The following FRAS1 variants were observed in gnomAD, a reference collection of about 807,000 sequenced individuals.
The protein encoded by FRAS1 is Fraser extracellular matrix complex subunit 1.
Under a neutral mutation model 435.2 loss-of-function variants are expected in FRAS1, and 290 were observed. That is an observed-to-expected ratio of 0.67 (90% CI 0.61 to 0.73). FRAS1 has a LOEUF of 0.73. Among genes scored for constraint, FRAS1 ranks in the 30% least tolerant of loss-of-function variants. FRAS1 has a pLI of 0.00. For synonymous variants in FRAS1, 1,800 were observed against 1,851.0 expected (o/e 0.97, Z 0.71); for missense variants, 4,860 against 5,001.5 (o/e 0.97, Z 0.85).
Position 78,329,282 on chromosome 4 carries a change from G to C in FRAS1, c.2138-3990G>C, listed in dbSNP as rs949985071. Among the ~76,000 whole-genome samples the C allele has an allele frequency of 7.9e-5, 12 of 152,300 alleles. No homozygotes were observed. In the East Asian group the frequency reaches 2.1e-3, roughly 27 times the overall value. On this transcript the variant is annotated intron_variant, in intron 18 of 73. Coordinates refer to ENST00000512123, the MANE Select transcript of FRAS1 (RefSeq NM_025074.7). Reference sequence around the variant, plus strand: ...TTGACTCCAGGAAAAGTGTAATGTTGGTTCGAGCTCGAGAAGGAATCTGGA... The same window carrying C: ...TTGACTCCAGGAAAAGTGTAATGTTCGTTCGAGCTCGAGAAGGAATCTGGA...
chr4:78,461,996 G>A (rs571322429), intron 47 of FRAS1, among the ~76,000 whole-genome samples: 2 of 152,348 alleles, frequency 1.3e-5, no homozygotes, highest in South Asian at 2.1e-4. Context: ...TGAAGCGTAA[G>A]TTGGAAACTT....
intron 2 of FRAS1, among the ~76,000 whole-genome samples, chr4:78,072,743 A>G (rs1246777221): frequency 6.6e-6 from 1 of 152,158 alleles, no homozygotes; most frequent in Non-Finnish European, 1.5e-5. Flanking sequence ...ACGGAGTAAT[A>G]TGCTTTTAAA....
chr4:78,462,036 T>C (rs1371872628), intron 47 of FRAS1, among the ~76,000 whole-genome samples: 1 of 152,200 alleles, frequency 6.6e-6, no homozygotes, highest in African/African-American at 2.4e-5. Flanking sequence ...CTATTTTGAA[T>C]GAGGTGATGG....
chr4:78,105,017 G>A (rs1257022142), intron 2 of FRAS1, among the ~76,000 whole-genome samples: 3 of 152,072 alleles, frequency 2.0e-5, no homozygotes, highest in African/African-American at 7.2e-5. Flanking sequence ...TTCATTAGTA[G>A]TTTGGTTTCC....
intron 29 of FRAS1, among the ~76,000 whole-genome samples, chr4:78,391,117 C>G (rs990423800): frequency 3.9e-5 from 6 of 152,178 alleles, no homozygotes; most frequent in African/African-American, 1.2e-4. Flanking sequence ...CAATTCATCT[C>G]TTGCATCAGA....
chr4:78,114,190 A>G (rs1163735169), intron 2 of FRAS1, among the ~76,000 whole-genome samples: 3 of 151,984 alleles, frequency 2.0e-5, no homozygotes, highest in Non-Finnish European at 4.4e-5. Flanking sequence ...TGGTCTATAT[A>G]TCTGTTTGGG....
chr4:78,464,554 G>C lies in FRAS1; in HGVS notation c.7000G>C (p.Glu2334Gln). The stretch of plus-strand genomic sequence containing the variant: ...CATGAGGAAGACCATCACAGAGTTT[G>C]AGCTTAAGGCGGTGGATGCTGACAC... ...EGMRKTITEF[E>Q]LKAVDADTEA... Residue 2334 changes from glutamate to glutamine, a missense_variant, in exon 49 of 74, where the codon GAG becomes CAG. Coordinates refer to ENST00000512123, the MANE Select transcript of FRAS1 (RefSeq NM_025074.7). 6.2e-7 allele frequency: 1 copy of C among 1,613,916 alleles called. No individual in the cohort carries two copies. Among genetic ancestry groups the C allele is most frequent in the East Asian group, 2.2e-5 (1 of 44,866 alleles).
chr4:78,506,705 C>T (rs114593698), intron 61 of FRAS1, among the ~76,000 whole-genome samples: 49,973 of 151,996 alleles, frequency 0.33, 8,944 homozygotes, highest in South Asian at 0.52. Context: ...CCTTGCACTT[C>T]TCGGGTGAGG....
At position 78,464,079 on chromosome 4, in the gene FRAS1, C is replaced by G; in HGVS notation, c.6822C>G (p.Val2274=). 1 of 1,613,584 alleles carries G rather than the reference C, an allele frequency of 6.2e-7. No individual in the cohort carries two copies. Among genetic ancestry groups the G allele is most frequent in the South Asian group, 1.1e-5 (1 of 91,052 alleles). ...TGACTTCACGAAATGTTCAGTATGT[C>G]CATTCTAGTGAGGCTGAGAAACATT... The part of the protein sequence containing the change: ...ADLTSRNVQY[V]HSSEAEKHSD... The change falls in exon 48 of 74, where the codon GTC becomes GTG. Residue 2274 remains valine, a synonymous_variant. Coordinates refer to ENST00000512123, the MANE Select transcript of FRAS1 (RefSeq NM_025074.7).
At chr4:78,191,655 A>T (rs188107315) in intron 2 of FRAS1, among the ~76,000 whole-genome samples, 18 of 151,718 alleles carry the variant, frequency 1.2e-4, no homozygotes, top group African/African-American at 4.1e-4. Flanking sequence ...CTCATCATTT[A>T]GCATTAGGTA....
intron 2 of FRAS1, among the ~76,000 whole-genome samples, chr4:78,121,803 G>A (rs980320629): frequency 6.6e-6 from 1 of 152,140 alleles, no homozygotes; most frequent in Non-Finnish European, 1.5e-5. Flanking sequence ...AGCACGTAAG[G>A]CAAATTTCAC....
At chr4:78,377,158 C>G (rs1251473498) in intron 26 of FRAS1, among the ~76,000 whole-genome samples, 1 of 152,146 alleles carries the variant, frequency 6.6e-6, no homozygotes, top group East Asian at 1.9e-4. Flanking sequence ...AGGGACATTA[C>G]TCTGAGTGTT....
At chr4:78,481,459 A>T (rs1021243885) in intron 56 of FRAS1, among the ~76,000 whole-genome samples, 1 of 152,290 alleles carries the variant, frequency 6.6e-6, no homozygotes, top group East Asian at 1.9e-4. Context: ...TAGGCTTGAG[A>T]TGTTTTGCAA....
chr4:78,371,083 G>A, intron 23 of FRAS1, among the ~76,000 whole-genome samples: 1 of 127,438 alleles, frequency 7.8e-6, no homozygotes, highest in Non-Finnish European at 1.6e-5. Context: ...TTTTTTTTCT[G>A]TTTTTTTGTT....
chr4:78,113,867 C>T lies in FRAS1; in HGVS notation c.108+47851C>T, dbSNP rs1354782340. ...ATTTGTCAATTTTGGCTTTTGTTGC[C>T]ATTGCTTTTGGTGTATTAGACATGA... is the stretch of plus-strand genomic sequence containing the variant. On this transcript the variant is annotated intron_variant, in intron 2 of 73. Coordinates refer to ENST00000512123, the MANE Select transcript of FRAS1 (RefSeq NM_025074.7). Among the ~76,000 whole-genome samples the T allele has an allele frequency of 1.2e-4, 18 of 152,234 alleles. No individual in the cohort carries two copies. In the East Asian group the frequency reaches 2.9e-3, roughly 24 times the overall value.
chr4:78,494,401 G>T (rs1578357365), intron 59 of FRAS1, among the ~76,000 whole-genome samples: 1 of 152,148 alleles, frequency 6.6e-6, no homozygotes, highest in African/African-American at 2.4e-5. Flanking sequence ...GCCAGCATCT[G>T]CTTCTGGTGA....
intron 2 of FRAS1, among the ~76,000 whole-genome samples, chr4:78,234,145 T>C (rs1165933616): frequency 6.6e-6 from 1 of 152,236 alleles, no homozygotes; most frequent in East Asian, 1.9e-4. Context: ...CAAGATTGTT[T>C]TCTTGAAATC....
chr4:78,429,223 G>A lies in FRAS1; in HGVS notation c.4840G>A (p.Val1614Ile), dbSNP rs955367093. The A allele has an allele frequency of 2.5e-6, 4 of 1,606,656 alleles. No homozygotes were observed. The highest frequency in any genetic ancestry group is 2.2e-5 in the East Asian group (1 of 44,784). The change falls in exon 36 of 74, where the codon GTA becomes ATA. Residue 1614 changes from valine (V) to isoleucine (I), a missense_variant. Physicochemically the swap from Val to Ile is conservative, Grantham distance 29. Coordinates refer to ENST00000512123, the MANE Select transcript of FRAS1 (RefSeq NM_025074.7). ...LAVSPGGSTS[V>I]GLQVVVRDAE... Reference sequence around the variant, plus strand: ...GGTCAGCCCAGGAGGCAGCACTTCTGTAGGTAAGAACTGGGAGCCTGATAG... The same window carrying A: ...GGTCAGCCCAGGAGGCAGCACTTCTATAGGTAAGAACTGGGAGCCTGATAG...
At chr4:78,276,171 C>A (rs909114332) in intron 9 of FRAS1, among the ~76,000 whole-genome samples, 4 of 152,168 alleles carry the variant, frequency 2.6e-5, no homozygotes, top group African/African-American at 7.2e-5. Flanking sequence ...TCCATCAGGT[C>A]ATTTAAGGAC....
Sources: allele counts gnomAD v4.1 joint callset (sites outside exome capture counted in the v4.1 genomes callset), GRCh38; gene constraint gnomAD v4.1.1; transcripts MANE v1.5; gene names NCBI Gene and HGNC (gene_info 2026-07-23, HGNC 2026-07-21).